The following SMAP1 variants were observed in gnomAD, a reference collection of about 807,000 sequenced individuals.
SMAP1 encodes the protein small ArfGAP 1.
In SMAP1, 24 loss-of-function variants were observed where a neutral mutation model predicts 58.5. The ratio of observed to expected loss-of-function variants is 0.41; its 90% CI spans 0.30 to 0.58. SMAP1 has a LOEUF of 0.58. SMAP1 is among the 20% of genes least tolerant of loss of function. SMAP1 has a pLI of 0.29. For synonymous variants in SMAP1, 216 were observed against 196.6 expected, an observed-to-expected ratio of 1.10 and a Z score of -0.82; for missense variants, 563 against 566.3, an observed-to-expected ratio of 0.99 and a Z score of 0.06.
intron 3 of SMAP1, among the ~76,000 whole-genome samples, chr6:70,762,017 A>G (rs1766766065): frequency 6.6e-6 from 1 of 152,192 alleles, no homozygotes; most frequent in Admixed American, 6.6e-5. Context: ...CGGTGTAATA[A>G]TAAGTGCCTA....
At chr6:70,769,438 G>T (rs1767167686) in intron 3 of SMAP1, among the ~76,000 whole-genome samples, 1 of 152,160 alleles carries the variant, frequency 6.6e-6, no homozygotes, top group Non-Finnish European at 1.5e-5. Flanking sequence ...GGGTGCTCCT[G>T]TATTGGGTGC....
intron 1 of SMAP1, among the ~76,000 whole-genome samples, chr6:70,696,901 T>C (rs1424039267): frequency 1.3e-5 from 2 of 152,248 alleles, no homozygotes; most frequent in South Asian, 2.1e-4. Context: ...ATATTTGCTT[T>C]ATATATTTGG....
intron 1 of SMAP1, among the ~76,000 whole-genome samples, chr6:70,692,298 A>G (rs1024009165): frequency 2.0e-5 from 3 of 152,128 alleles, no homozygotes; most frequent in South Asian, 2.1e-4. Context: ...ATTTTTTCCT[A>G]TGGAGTTGTT....
intron 4 of SMAP1, among the ~76,000 whole-genome samples, chr6:70,783,506 G>T (rs532260406): frequency 6.6e-6 from 1 of 152,150 alleles, no homozygotes; most frequent in Non-Finnish European, 1.5e-5. Context: ...ACTACTCCGA[G>T]CTACGGGAGG....
At chr6:70,800,028 C>G (rs1333510490) in intron 6 of SMAP1, among the ~76,000 whole-genome samples, 1 of 152,056 alleles carries the variant, frequency 6.6e-6, no homozygotes, top group African/African-American at 2.4e-5. Flanking sequence ...CTTTTCATGT[C>G]TTTTTTGCCT....
intron 6 of SMAP1, among the ~76,000 whole-genome samples, chr6:70,801,814 C>G (rs146990417): frequency 6.6e-6 from 1 of 152,272 alleles, no homozygotes; most frequent in African/African-American, 2.4e-5. Flanking sequence ...TGTCAAAGAT[C>G]AGATGGTTGT....
At chr6:70,732,243 T>G in intron 1 of SMAP1, 135 bp from the exon 2 acceptor site, 1 of 867,800 alleles carries the variant, frequency 1.2e-6, no homozygotes, top group Non-Finnish European at 1.7e-6. Context: ...GCCAGTACCA[T>G]TTGAAAATTT....
chr6:70,764,056 A>G (rs919424052), intron 3 of SMAP1, among the ~76,000 whole-genome samples: 2 of 150,146 alleles, frequency 1.3e-5, no homozygotes, highest in Admixed American at 1.3e-4. Context: ...GGAACTACAC[A>G]TGCACACTAC....
intron 4 of SMAP1, among the ~76,000 whole-genome samples, chr6:70,782,246 A>G (rs1767794023): frequency 6.6e-6 from 1 of 152,238 alleles, no homozygotes; most frequent in African/African-American, 2.4e-5. Flanking sequence ...GATAACTTCT[A>G]TGGGATTTCA....
chr6:70,810,223 G>A (rs1367007046), intron 6 of SMAP1, among the ~76,000 whole-genome samples: 1 of 152,076 alleles, frequency 6.6e-6, no homozygotes, highest in Non-Finnish European at 1.5e-5. Flanking sequence ...GGCATGCGTA[G>A]AACTCCTGAG....
intron 6 of SMAP1, among the ~76,000 whole-genome samples, chr6:70,808,664 C>T (rs1033315483): frequency 4.6e-5 from 7 of 152,148 alleles, no homozygotes; most frequent in African/African-American, 9.6e-5. Flanking sequence ...TTGCTTGTTT[C>T]GCCTATTGAA....
At chr6:70,762,635 A>T (rs1201764324) in intron 3 of SMAP1, among the ~76,000 whole-genome samples, 1 of 152,162 alleles carries the variant, frequency 6.6e-6, no homozygotes, top group Non-Finnish European at 1.5e-5. Context: ...TTTGTAGTGT[A>T]CTTGGATTGC....
At chr6:70,752,567 TA>T (rs754406548) in intron 2 of SMAP1, among the ~76,000 whole-genome samples, 5 of 152,172 alleles carry the variant, frequency 3.3e-5, no homozygotes, top group Non-Finnish European at 7.3e-5. Context: ...TTTTTCCTGC[TA>T]CTTACTGGGC....
chr6:70,752,204 C>T (rs1766307717), intron 2 of SMAP1, among the ~76,000 whole-genome samples: 1 of 152,148 alleles, frequency 6.6e-6, no homozygotes, highest in Non-Finnish European at 1.5e-5. Flanking sequence ...GTAGAAAAAT[C>T]ATACAACCTC....
At chr6:70,781,150 A>G (rs1767746143) in intron 4 of SMAP1, among the ~76,000 whole-genome samples, 1 of 152,162 alleles carries the variant, frequency 6.6e-6, no homozygotes. Context: ...AGGACACCCC[A>G]ATAGAGCATG....
chr6:70,678,149 A>G (rs1008096209), intron 1 of SMAP1, among the ~76,000 whole-genome samples: 16 of 152,250 alleles, frequency 1.1e-4, no homozygotes, highest in African/African-American at 3.9e-4. Flanking sequence ...TCCGAAGGAA[A>G]GAGAATTAAA....
At chr6:70,791,604 A>G in intron 4 of SMAP1, 85 bp from the exon 5 acceptor site, 1 of 1,104,984 alleles carries the variant, frequency 9.0e-7, no homozygotes, top group Non-Finnish European at 1.3e-6. Flanking sequence ...AAAAATATAC[A>G]GGGATTTTTT....
chr6:70,726,771 ATCAG>A (rs1313162729), intron 1 of SMAP1, among the ~76,000 whole-genome samples: 2 of 152,068 alleles, frequency 1.3e-5, no homozygotes, highest in African/African-American at 4.8e-5. Context: ...ATAGTGATTT[ATCAG>A]TCAACCTAAT....
intron 2 of SMAP1, among the ~76,000 whole-genome samples, chr6:70,739,688 C>T: frequency 6.6e-6 from 1 of 151,912 alleles, no homozygotes; most frequent in Non-Finnish European, 1.5e-5. Context: ...CTTTAGTTTT[C>T]TTCTTCAGTG....
Sources: gnomAD v4.1 joint callset for allele counts (sites outside exome capture counted in the v4.1 genomes callset) on GRCh38, gnomAD v4.1.1 for gene constraint, MANE v1.5 for transcripts, NCBI Gene and HGNC (gene_info 2026-07-23, HGNC 2026-07-21) for gene names.